HLA-DMA: variants seen among roughly 807,000 people sequenced by gnomAD.
HLA-DMA encodes the protein major histocompatibility complex, class II, DM alpha, also known as HLA class II histocompatibility antigen, DM alpha chain.
In HLA-DMA, 20 loss-of-function variants were observed where a neutral mutation model predicts 27.3. That is an observed-to-expected ratio of 0.73 (90% CI 0.52 to 1.07). The LOEUF is 1.07. Among genes scored for constraint, HLA-DMA ranks in the 50% least tolerant of loss-of-function variants. The pLI is 0.00. For missense variants in HLA-DMA, 241 were observed against 321.7 expected (o/e 0.75, Z 1.92); for synonymous variants, 111 against 126.8 (o/e 0.88, Z 0.83).
intron 1 of HLA-DMA, among the ~76,000 whole-genome samples, chr6:32,951,723 G>A (rs1216833064): frequency 6.6e-6 from 1 of 151,968 alleles, no homozygotes; most frequent in Non-Finnish European, 1.5e-5. Context: ...GAGGTCAGGA[G>A]TTTGAGACCA....
intron 1 of HLA-DMA, among the ~76,000 whole-genome samples, chr6:32,951,710 C>T (rs952652873): frequency 3.3e-5 from 5 of 151,946 alleles, no homozygotes; most frequent in African/African-American, 1.2e-4. Context: ...GGGTGGATCA[C>T]CTGAGGTCAG....
In HLA-DMA at chr6:32,950,543, C is replaced by T. The variant is rs142146776; in HGVS notation, c.349G>A (p.Asp117Asn). ...WMIQQIGPKL[D>N]GKIPVSRGFP... ...CCTCTGGACACCGGGATTTTCCCAT[C>T]AAGTTTTGGCCCTATTTGCTGGATC... The change falls in exon 2 of 5, where the codon GAT (aspartate) becomes AAT (asparagine). Residue 117 changes from aspartate (D) to asparagine (N), a missense_variant. Coordinates refer to ENST00000374843, the MANE Select transcript of HLA-DMA (RefSeq NM_006120.4). The surrounding 1 kb of genome is among the most constrained non-coding windows in gnomAD (Gnocchi z 5.0). 64 of 1,613,086 alleles carry T rather than the reference C, an allele frequency of 4.0e-5. No homozygotes were observed. The African/African-American group carries it at 7.6e-4, about 19-fold the overall frequency.
chr6:32,950,941 G>A lies in HLA-DMA; in HGVS notation c.89-138C>T. ...GGAGGCCAAGGTGGGTGGATCATGA[G>A]GTCAGGAGTTTGAGACCAGCCTGGC... On this transcript the variant is annotated intron_variant, in intron 1 of 4. Coordinates refer to ENST00000374843, the MANE Select transcript of HLA-DMA (RefSeq NM_006120.4). The surrounding 1 kb of genome is among the most constrained non-coding windows in gnomAD (Gnocchi z 5.0). The A allele has an allele frequency of 2.6e-6, 2 of 775,224 alleles. No individual in the cohort carries two copies. Among genetic ancestry groups the A allele is most frequent in the South Asian group, 1.8e-5 (1 of 56,248 alleles). The allele number at this position is 775,224 out of a possible 1,614,324, so 48.0% of individuals were successfully genotyped here. A position where few individuals can be genotyped will look rare whatever the true frequency, so the allele number is the denominator to read the frequency against.
chr6:32,949,663 G>A lies in HLA-DMA; in HGVS notation c.600C>T (p.Phe200=). 6.2e-7 allele frequency: 1 copy of A among 1,613,120 alleles called. No homozygotes were observed. The highest frequency in any genetic ancestry group is 8.5e-7 in the Non-Finnish European group (1 of 1,180,042). Residue 200 remains phenylalanine (F), a synonymous_variant, in exon 3 of 5, where the codon TTC becomes TTT. Coordinates refer to ENST00000374843, the MANE Select transcript of HLA-DMA (RefSeq NM_006120.4). This position sits in a 1 kb window ranked among gnomAD's most constrained non-coding sequence, Gnocchi z 5.8. Reference sequence around the variant, plus strand: ...CAATTTCGTGAGTCACAATGCAGGAGAAAATGTCAGAAGGTTCTGGTGTGA... The same window carrying A: ...CAATTTCGTGAGTCACAATGCAGGAAAAAATGTCAGAAGGTTCTGGTGTGA... The part of the protein sequence containing the change: ...LNFTPEPSDI[F]SCIVTHEIDR...
At chr6:32,952,539 C>G (rs1343071511) in intron 1 of HLA-DMA, 1 of 415,862 alleles carries the variant, frequency 2.4e-6, no homozygotes, top group Non-Finnish European at 4.9e-6. Flanking sequence ...CTGCCCCATC[C>G]TCTACAGAGA....
chr6:32,952,789 T>C lies in HLA-DMA; in HGVS notation c.88+160A>G, dbSNP rs114622671. Among the ~76,000 whole-genome samples the C allele has an allele frequency of 7.6e-3, 1,158 of 152,316 alleles. 11 individuals are homozygous for C. Among genetic ancestry groups the C allele is most frequent in the African/African-American group, 0.026 (1,076 of 41,558 alleles). On this transcript the variant is annotated intron_variant, in intron 1 of 4. Transcript: ENST00000374843. ...TGGAACATGCAAAGCATCACTGATATCGTTTACCAACCACACATAGCAGCT... is the reference window on the plus strand; with the variant it reads ...TGGAACATGCAAAGCATCACTGATACCGTTTACCAACCACACATAGCAGCT...
intron 1 of HLA-DMA, among the ~76,000 whole-genome samples, chr6:32,952,055 G>C (rs1194136308): frequency 1.3e-5 from 2 of 152,208 alleles, no homozygotes; most frequent in African/African-American, 4.8e-5. Flanking sequence ...AAAGAAGCAA[G>C]TGAAAGCCTG....
At position 32,950,026 on chromosome 6, in the gene HLA-DMA, G is replaced by A. The variant is rs991587229; in HGVS notation, c.374-137C>T. 27 of 807,800 alleles carry A rather than the reference G, an allele frequency of 3.3e-5. No individual in the cohort carries two copies. The highest frequency in any genetic ancestry group is 4.1e-5 in the Non-Finnish European group (21 of 516,772). 50.0% of individuals were successfully genotyped at this position (807,800 alleles called of 1,614,324 possible). Reference sequence around the variant, plus strand: ...CAGGCTTTGGGAGACAGAGATGAGCGAGGAGCTGGGCTCTGAAGGGAGGTC... The same window carrying A: ...CAGGCTTTGGGAGACAGAGATGAGCAAGGAGCTGGGCTCTGAAGGGAGGTC... On this transcript the variant is annotated intron_variant, in intron 2 of 4. Coordinates refer to ENST00000374843, the MANE Select transcript of HLA-DMA (RefSeq NM_006120.4). This position sits in a 1 kb window ranked among gnomAD's most constrained non-coding sequence, Gnocchi z 5.0.
In HLA-DMA at chr6:32,949,439, G is replaced by A; in HGVS notation, c.653-40C>T. 2 of 1,612,124 alleles carry A rather than the reference G, an allele frequency of 1.2e-6. No homozygotes were observed. Among genetic ancestry groups the A allele is most frequent in the Non-Finnish European group, 1.7e-6 (2 of 1,178,836 alleles). On this transcript the variant is annotated intron_variant, in intron 3 of 4. Coordinates refer to ENST00000374843, the MANE Select transcript of HLA-DMA (RefSeq NM_006120.4). This position sits in a 1 kb window ranked among gnomAD's most constrained non-coding sequence, Gnocchi z 5.8. ...TGGCTCAGCCTGGGGACCTAGTTAG[G>A]GAGCCTCCCACCCAGGGAAATGACG...
In HLA-DMA at chr6:32,953,053, G is replaced by C; in HGVS notation, c.-17C>G. The C allele has an allele frequency of 1.2e-6, 2 of 1,603,550 alleles. No individual in the cohort carries two copies. The highest frequency in any genetic ancestry group is 1.7e-6 in the Non-Finnish European group (2 of 1,173,154). ...ATGACCCATACCTTCTTGCCACACA[G>C]TAGGTAGGAGCTACCAACCCAGCCA... On this transcript the variant is annotated 5_prime_UTR_variant, in exon 1 of 5. Transcript: ENST00000374843.
rs1776835705 is a variant in HLA-DMA, at chr6:32,950,248, T to G, written c.373+271A>C. On this transcript the variant is annotated intron_variant, in intron 2 of 4. Transcript: ENST00000374843. This position sits in a 1 kb window ranked among gnomAD's most constrained non-coding sequence, Gnocchi z 5.0. ...TTCCCATCCATCTTGCTGGGCATAG[T>G]AGCACAAGTGTTAATATTCAGTAGG... 1.7e-6 allele frequency: 1 copy of G among 595,846 alleles called. No individual in the cohort carries two copies. Among genetic ancestry groups the G allele is most frequent in the South Asian group, 2.1e-5 (1 of 48,052 alleles). 36.9% of individuals were successfully genotyped at this position (595,846 alleles called of 1,614,324 possible). A position where few individuals can be genotyped will look rare whatever the true frequency, so the allele number is the denominator to read the frequency against.
intron 1 of HLA-DMA, chr6:32,952,428 G>C (rs1375064851): frequency 8.5e-6 from 4 of 471,728 alleles, no homozygotes; most frequent in Admixed American, 4.7e-5. Context: ...CTTCTTTGAA[G>C]CTCTTGGCAG....
At position 32,949,334 on chromosome 6, in the gene HLA-DMA, C is replaced by T; in HGVS notation, c.718G>A (p.Gly240Ser). ...NVLCGVAFGL[G>S]VLGIIVGIVL... ...ATGCCCACGATGATGCCCAGCACACCCAGGCCAAAGGCCACGCCACACAGC... is the reference window on the plus strand; with the variant it reads ...ATGCCCACGATGATGCCCAGCACACTCAGGCCAAAGGCCACGCCACACAGC... Residue 240 changes from glycine to serine, a missense_variant, in exon 4 of 5, where the codon GGT (glycine) becomes AGT (serine). By Grantham distance (56) the Gly-to-Ser change is moderately conservative. Coordinates refer to ENST00000374843, the MANE Select transcript of HLA-DMA (RefSeq NM_006120.4). This position sits in a 1 kb window ranked among gnomAD's most constrained non-coding sequence, Gnocchi z 5.8. 1 of 1,614,182 alleles carries T rather than the reference C, an allele frequency of 6.2e-7. No homozygotes were observed. The highest frequency in any genetic ancestry group is 8.5e-7 in the Non-Finnish European group (1 of 1,180,042).
At position 32,949,410 on chromosome 6, in the gene HLA-DMA, T is replaced by C. The variant is rs754653030; in HGVS notation, c.653-11A>G. 3.7e-6 allele frequency: 6 copies of C among 1,613,538 alleles called. No individual in the cohort carries two copies. The Admixed American group carries it at 1.0e-4, about 27-fold the overall frequency. ...GTGCGTTCCGGGGTACTGGAGGAAATGAGTGGCTCAGCCTGGGGACCTAGT... is the reference window on the plus strand; with the variant it reads ...GTGCGTTCCGGGGTACTGGAGGAAACGAGTGGCTCAGCCTGGGGACCTAGT... On this transcript the variant is annotated splice_polypyrimidine_tract_variant and intron_variant, in intron 3 of 4. Transcript: ENST00000374843. This position sits in a 1 kb window ranked among gnomAD's most constrained non-coding sequence, Gnocchi z 5.8.
At chr6:32,952,206 G>A (rs923669657) in intron 1 of HLA-DMA, 1 of 406,134 alleles carries the variant, frequency 2.5e-6, no homozygotes, top group Non-Finnish European at 5.1e-6. Context: ...GGAAAGAGGA[G>A]GAATGGCTAC....
At chr6:32,948,965 G>T in intron 4 of HLA-DMA, 97 bp from the exon 5 acceptor site, 4 of 1,379,786 alleles carry the variant, frequency 2.9e-6, no homozygotes, top group Non-Finnish European at 4.0e-6. Context: ...TGCTCGCCCT[G>T]CCTGCACCAC....
chr6:32,950,338 A>T lies in HLA-DMA; in HGVS notation c.373+181T>A. 1 of 718,564 alleles carries T rather than the reference A, an allele frequency of 1.4e-6. No homozygotes were observed. Among genetic ancestry groups the T allele is most frequent in the Non-Finnish European group, 2.4e-6 (1 of 415,314 alleles). The allele number at this position is 718,564 out of a possible 1,614,324, so 44.5% of individuals were successfully genotyped here. ...TAGTTCTGAATGCCTACTACATGCTAGGTACTTCGGCCCACCAAAAGAACA... is the reference window on the plus strand; with the variant it reads ...TAGTTCTGAATGCCTACTACATGCTTGGTACTTCGGCCCACCAAAAGAACA... On this transcript the variant is annotated intron_variant, in intron 2 of 4. Coordinates refer to ENST00000374843, the MANE Select transcript of HLA-DMA (RefSeq NM_006120.4). The surrounding 1 kb of genome is among the most constrained non-coding windows in gnomAD (Gnocchi z 5.0).
At position 32,949,261 on chromosome 6, in the gene HLA-DMA, G is replaced by A; in HGVS notation, c.781+10C>T. 1 of 1,614,080 alleles carries A rather than the reference G, an allele frequency of 6.2e-7. No homozygotes were observed. The highest frequency in any genetic ancestry group is 8.5e-7 in the Non-Finnish European group (1 of 1,180,020). On this transcript the variant is annotated intron_variant, in intron 4 of 4. Coordinates refer to ENST00000374843, the MANE Select transcript of HLA-DMA (RefSeq NM_006120.4). The surrounding 1 kb of genome is among the most constrained non-coding windows in gnomAD (Gnocchi z 5.8). ...CCCACAGGCTCACCCGCCCCCTCCA[G>A]ATGACATACCACCTGAGCAAGGCTT...
intron 4 of HLA-DMA, 114 bp from the exon 5 acceptor site, chr6:32,948,982 C>A (rs1166132377): frequency 1.6e-6 from 2 of 1,230,102 alleles, no homozygotes; most frequent in East Asian, 4.8e-5. Context: ...CCACACCCTG[C>A]AGAAGTTGAT....
Sources: allele counts gnomAD v4.1 joint callset (sites outside exome capture counted in the v4.1 genomes callset), GRCh38; gene constraint gnomAD v4.1.1; non-coding constraint Gnocchi (gnomAD v3.1); transcripts MANE v1.5; gene names NCBI Gene and HGNC (gene_info 2026-07-23, HGNC 2026-07-21).